SORBS2: variants seen among roughly 807,000 people sequenced by gnomAD.
SORBS2 encodes sorbin and SH3 domain containing 2.
In SORBS2, 46 loss-of-function variants were observed where a neutral mutation model predicts 97.7. The observed-to-expected ratio is 0.47, with a 90% CI of 0.37 to 0.60. The LOEUF (loss-of-function observed/expected upper bound fraction) is 0.60. Ranked by LOEUF, SORBS2 falls within the 20% of genes least tolerant of loss-of-function variation. SORBS2 has a pLI of 0.00. For synonymous variants in SORBS2, 476 were observed against 473.4 expected (o/e 1.01, Z -0.07); for missense variants, 1,316 against 1,282.3 (o/e 1.03, Z -0.40).
intron 2 of SORBS2, among the ~76,000 whole-genome samples, chr4:185,735,282 A>G (rs920980859): frequency 3.9e-5 from 6 of 152,002 alleles, no homozygotes; most frequent in African/African-American, 1.5e-4. Flanking sequence ...AAAGCAAGGC[A>G]TGTTTCTGCA....
intron 12 of SORBS2, among the ~76,000 whole-genome samples, chr4:185,610,657 T>G (rs922649167): frequency 6.6e-6 from 1 of 152,134 alleles, no homozygotes. Flanking sequence ...TTTCAAGAAG[T>G]AGTTTAGGTC....
At chr4:185,627,921 T>C (rs62334753) in intron 5 of SORBS2, among the ~76,000 whole-genome samples, 54,526 of 151,940 alleles carry the variant, frequency 0.36, 9,938 homozygotes, top group South Asian at 0.51. Context: ...GCCCAGTTGA[T>C]ATCATGCAGA....
Position 185,857,000 on chromosome 4 carries a change from T to C in SORBS2, c.-337-81634A>G, listed in dbSNP as rs192974461. ...TCTAATCACCTCCCACCAAGTCCCT[T>C]CCTCAACACATAGGGATTATAATTC... is the stretch of plus-strand genomic sequence containing the variant. On this transcript the variant is annotated intron_variant, in intron 1 of 20. Coordinates refer to the SORBS2 transcript ENST00000284776. 2.9e-3 allele frequency among the ~76,000 whole-genome samples: 442 copies of C among 152,210 alleles called. 4 individuals are homozygous for C. The highest frequency in any genetic ancestry group is 0.01 in the African/African-American group (420 of 41,546).
At chr4:185,701,937 A>AT (rs1261465165) in intron 2 of SORBS2, among the ~76,000 whole-genome samples, 2 of 152,038 alleles carry the variant, frequency 1.3e-5, no homozygotes, top group African/African-American at 4.8e-5. Flanking sequence ...CGCCCAGCTA[A>AT]TTTTTTGTAT....
chr4:185,923,036 T>A (rs754039880), intron 1 of SORBS2, among the ~76,000 whole-genome samples: 3 of 152,188 alleles, frequency 2.0e-5, no homozygotes, highest in African/African-American at 4.8e-5. Flanking sequence ...GCTTCAGTTC[T>A]CTCCTCTGTA....
chr4:185,851,091 C>G (rs2099217638), intron 1 of SORBS2, among the ~76,000 whole-genome samples: 1 of 152,130 alleles, frequency 6.6e-6, no homozygotes, highest in African/African-American at 2.4e-5. Context: ...TCACATGAAG[C>G]AATTTCTATA....
At chr4:185,754,702 G>A (rs1444881333) in intron 2 of SORBS2, among the ~76,000 whole-genome samples, 1 of 152,172 alleles carries the variant, frequency 6.6e-6, no homozygotes, top group African/African-American at 2.4e-5. Flanking sequence ...AGTGTGGGGT[G>A]GGGGGCTGTG....
intron 4 of SORBS2, among the ~76,000 whole-genome samples, chr4:185,632,039 G>A (rs1320351162): frequency 6.6e-6 from 1 of 152,158 alleles, no homozygotes; most frequent in East Asian, 1.9e-4. Flanking sequence ...TTTTATCAGA[G>A]TATTAAACAT....
intron 2 of SORBS2, among the ~76,000 whole-genome samples, chr4:185,701,979 C>A (rs1388933036): frequency 6.6e-6 from 1 of 152,004 alleles, no homozygotes; most frequent in African/African-American, 2.4e-5. Context: ...CCATGTTGGC[C>A]AGGATGGTCT....
chr4:185,824,876 C>T (rs957196032), intron 1 of SORBS2, among the ~76,000 whole-genome samples: 3 of 152,136 alleles, frequency 2.0e-5, no homozygotes, highest in Non-Finnish European at 2.9e-5. Context: ...CCCACACTCT[C>T]ATGCCAAAGT....
intron 2 of SORBS2, among the ~76,000 whole-genome samples, chr4:185,695,330 A>C (rs2098161038): frequency 6.6e-6 from 1 of 152,186 alleles, no homozygotes; most frequent in Admixed American, 6.5e-5. Flanking sequence ...ATGAAACTAC[A>C]GGACTGAATT....
At chr4:185,642,565 G>A (rs2097144075) in intron 4 of SORBS2, among the ~76,000 whole-genome samples, 1 of 152,140 alleles carries the variant, frequency 6.6e-6, no homozygotes. Flanking sequence ...GTCAGTTCAA[G>A]GCAAATTCCT....
intron 2 of SORBS2, among the ~76,000 whole-genome samples, chr4:185,765,617 C>T (rs1329795360): frequency 6.6e-6 from 1 of 152,176 alleles, no homozygotes; most frequent in Non-Finnish European, 1.5e-5. Flanking sequence ...AGGTGGATCT[C>T]ACCATGTGAG....
Position 185,796,445 on chromosome 4 carries a change from C to T in SORBS2, c.-337-21079G>A, listed in dbSNP as rs572463850. Among the ~76,000 whole-genome samples, 14 of 152,206 alleles carry T rather than the reference C, an allele frequency of 9.2e-5. 3 individuals carry two copies. Among genetic ancestry groups the T allele is most frequent in the African/African-American group, 3.4e-4 (14 of 41,510 alleles). ...CTGCAGATTTATATGAAATCCATCG[C>T]TCCATGCCTGGGCGCTGTGGCCACG... On this transcript the variant is annotated intron_variant, in intron 1 of 20. Coordinates refer to the SORBS2 transcript ENST00000284776.
intron 1 of SORBS2, among the ~76,000 whole-genome samples, chr4:185,911,482 C>T (rs113931314): frequency 0.013 from 1,928 of 152,236 alleles, 23 homozygotes; most frequent in Non-Finnish European, 0.02. Flanking sequence ...ACCCCAGCCT[C>T]TCAAAGTCCT....
In SORBS2 at chr4:185,630,839, T is replaced by C. The variant is rs567980210; in HGVS notation, c.397-241A>G. On this transcript the variant is annotated intron_variant, in intron 4 of 14. Transcript: ENST00000418609. ...GCAGTTCTCTGTGTAGCTCAAATTA[T>C]CCACAACCCAAGCATTGCATGGGGG... Among the ~76,000 whole-genome samples the C allele has an allele frequency of 2.6e-5, 4 of 152,264 alleles. No individual in the cohort carries two copies. The South Asian group carries it at 6.2e-4, about 24-fold the overall frequency.
At chr4:185,889,011 C>A (rs1310320020) in intron 1 of SORBS2, among the ~76,000 whole-genome samples, 1 of 152,232 alleles carries the variant, frequency 6.6e-6, no homozygotes, top group Non-Finnish European at 1.5e-5. Context: ...TGTCATTATG[C>A]CTTGTGAGGC....
intron 1 of SORBS2, among the ~76,000 whole-genome samples, chr4:185,871,570 T>C (rs568827834): frequency 6.6e-6 from 1 of 152,334 alleles, no homozygotes; most frequent in East Asian, 1.9e-4. Context: ...TCTCAAGACA[T>C]GCAGGCAGTG....
chr4:185,647,141 T>C (rs1194447286), intron 3 of SORBS2, among the ~76,000 whole-genome samples: 2 of 152,290 alleles, frequency 1.3e-5, no homozygotes, highest in Non-Finnish European at 2.9e-5. Context: ...CCATGTTTGA[T>C]CTTATTTCTT....
Sources: allele counts gnomAD v4.1 joint callset (sites outside exome capture counted in the v4.1 genomes callset), GRCh38; gene constraint gnomAD v4.1.1; transcripts MANE v1.5; gene names NCBI Gene and HGNC (gene_info 2026-07-23, HGNC 2026-07-21).